The following LATS2 variants were observed in gnomAD, a reference collection of about 807,000 sequenced individuals.
LATS2 encodes the protein large tumor suppressor kinase 2.
Under a neutral mutation model 76.0 loss-of-function variants are expected in LATS2, and 24 were observed. That is an observed-to-expected ratio of 0.32 (90% CI 0.23 to 0.44). LATS2 has a LOEUF of 0.44. Ranked by LOEUF, LATS2 falls within the 20% of genes least tolerant of loss-of-function variation. The probability of loss-of-function intolerance (pLI) is 1.00; values close to 1 mark genes in which losing one functional copy is unlikely to be tolerated. For missense variants in LATS2, 1,286 were observed against 1,481.2 expected (o/e 0.87, Z 2.16); for synonymous variants, 692 against 635.4 (o/e 1.09, Z -1.34).
chr13:21,053,764 T>A (rs1873358017), intron 1 of LATS2, among the ~76,000 whole-genome samples: 1 of 152,202 alleles, frequency 6.6e-6, no homozygotes, highest in African/African-American at 2.4e-5. Flanking sequence ...TCCTGTCATA[T>A]GCAACAATAA....
chr13:21,013,387 T>C (rs1262983163), intron 2 of LATS2, among the ~76,000 whole-genome samples: 1 of 152,220 alleles, frequency 6.6e-6, no homozygotes, highest in Non-Finnish European at 1.5e-5. Context: ...GGAATATTAA[T>C]GATTATACCT....
At chr13:21,011,845 C>A (rs573049) in intron 2 of LATS2, among the ~76,000 whole-genome samples, 146,208 of 152,328 alleles carry the variant, frequency 0.96, 70,416 homozygotes, top group East Asian at 1. Flanking sequence ...GCTACAGCCC[C>A]CTACACACCT....
rs753026198 is a variant in LATS2, at chr13:20,975,265, G to A, written c.2872C>T (p.Arg958Cys). Residue 958 changes from arginine to cysteine, a missense_variant, in exon 8 of 8, where the codon CGC (arginine) becomes TGC (cysteine). By Grantham distance (180) the Arg-to-Cys change is radical (BLOSUM62 -3). Around this residue, in one of 5 missense-constraint regions of LATS2, gnomAD observed 210 missense variants for 234.9 expected, o/e 0.89. Coordinates refer to ENST00000382592, the MANE Select transcript of LATS2 (RefSeq NM_014572.3). ...TCATCGGCCCCATTCCGCCCCAGGC[G>A]GTGGTCTGCGGAGCAGCACAGCTTG... ...ITKLCCSADH[R>C]LGRNGADDLK... The A allele has an allele frequency of 5.6e-6, 9 of 1,614,046 alleles. No homozygotes were observed. The highest frequency in any genetic ancestry group is 2.7e-5 in the African/African-American group (2 of 74,948).
At chr13:20,983,056 C>A (rs1869970288) in intron 5 of LATS2, among the ~76,000 whole-genome samples, 168 bp downstream of exon 5, 1 of 148,428 alleles carries the variant, frequency 6.7e-6, no homozygotes, top group African/African-American at 2.5e-5. Flanking sequence ...GCATATCACA[C>A]TATTCCTTTT....
intron 2 of LATS2, among the ~76,000 whole-genome samples, chr13:21,036,512 C>T (rs117326595): frequency 0.081 from 12,314 of 152,084 alleles, 529 homozygotes; most frequent in Non-Finnish European, 0.095. Context: ...CGGTGGCTCA[C>T]GCCTGTAATC....
Position 20,981,331 on chromosome 13 carries a change from T to G in LATS2, c.2665+135A>C, listed in dbSNP as rs1869866077. ...GAGGCTTGTATGTTGCAGAAATTAG[T>G]AGCTTTCAGGCTTCTATGAGGACAA... On this transcript the variant is annotated intron_variant, in intron 6 of 7. Transcript: ENST00000382592. The G allele has an allele frequency of 4.0e-6, 3 of 758,900 alleles. No individual in the cohort carries two copies. In the Admixed American group the frequency reaches 8.8e-5, roughly 22 times the overall value. 47.0% of individuals were successfully genotyped at this position (758,900 alleles called of 1,614,324 possible). A position where few individuals can be genotyped will look rare whatever the true frequency, so the allele number is the denominator to read the frequency against.
In LATS2 at chr13:20,989,317, A is replaced by G; in HGVS notation, c.476-13T>C. On this transcript the variant is annotated splice_polypyrimidine_tract_variant and intron_variant, in intron 3 of 7. Coordinates refer to ENST00000382592, the MANE Select transcript of LATS2 (RefSeq NM_014572.3). ...ATGAGCCCCTTTCCTGCAGTGGAAAAAACAGGAAGACAGCATCAGAGTGGG... is the reference window on the plus strand; with the variant it reads ...ATGAGCCCCTTTCCTGCAGTGGAAAGAACAGGAAGACAGCATCAGAGTGGG... 6.2e-7 allele frequency: 1 copy of G among 1,613,376 alleles called. No homozygotes were observed.
At chr13:21,053,076 T>C (rs907203238) in intron 1 of LATS2, among the ~76,000 whole-genome samples, 3 of 151,222 alleles carry the variant, frequency 2.0e-5, no homozygotes, top group Non-Finnish European at 2.9e-5. Context: ...GTCCACCAAA[T>C]ATACAAAAAT....
intron 2 of LATS2, among the ~76,000 whole-genome samples, chr13:20,998,817 G>T (rs1870891628): frequency 6.6e-6 from 1 of 152,208 alleles, no homozygotes; most frequent in Non-Finnish European, 1.5e-5. Context: ...CACGGGGCGG[G>T]GGCCGCAGCG....
chr13:20,975,144 T>C lies in LATS2; in HGVS notation c.2993A>G (p.Asp998Gly). ...PYVPTISHPM[D>G]TSNFDPVDEE... Reference sequence around the variant, plus strand: ...ATCTACGGGGTCGAAATTCGAGGTGTCCATGGGGTGGCTGATGGTGGGAAC... The same window carrying C: ...ATCTACGGGGTCGAAATTCGAGGTGCCCATGGGGTGGCTGATGGTGGGAAC... Residue 998 changes from aspartate to glycine, a missense_variant, in exon 8 of 8, where the codon GAC becomes GGC. This residue lies in a region of LATS2 where 210 missense variants were observed against 234.9 expected (regional missense o/e 0.89). Coordinates refer to ENST00000382592, the MANE Select transcript of LATS2 (RefSeq NM_014572.3). The C allele has an allele frequency of 6.2e-7, 1 of 1,614,168 alleles. No individual in the cohort carries two copies. Among genetic ancestry groups the C allele is most frequent in the East Asian group, 2.2e-5 (1 of 44,878 alleles).
At chr13:21,017,053 T>C (rs560325756) in intron 2 of LATS2, among the ~76,000 whole-genome samples, 23 of 152,158 alleles carry the variant, frequency 1.5e-4, no homozygotes, top group Non-Finnish European at 2.9e-4. Context: ...AACAAATTCA[T>C]CTTCATTAGT....
intron 2 of LATS2, among the ~76,000 whole-genome samples, chr13:21,012,554 T>C (rs1296111612): frequency 5.3e-5 from 8 of 152,246 alleles, no homozygotes; most frequent in Non-Finnish European, 7.3e-5. Flanking sequence ...ACCAGGTGTT[T>C]CATTCACTAG....
At chr13:21,031,644 A>G (rs1872532678) in intron 2 of LATS2, among the ~76,000 whole-genome samples, 1 of 152,060 alleles carries the variant, frequency 6.6e-6, no homozygotes, top group Non-Finnish European at 1.5e-5. Context: ...GGATCACTTG[A>G]GCCTAGGAGT....
At chr13:21,055,261 T>C (rs1873414986) in intron 1 of LATS2, among the ~76,000 whole-genome samples, 1 of 152,164 alleles carries the variant, frequency 6.6e-6, no homozygotes, top group Non-Finnish European at 1.5e-5. Flanking sequence ...GGGAAATTTT[T>C]CTTTCATCAA....
At chr13:21,026,334 C>T (rs2138371436) in intron 2 of LATS2, among the ~76,000 whole-genome samples, 1 of 151,564 alleles carries the variant, frequency 6.6e-6, no homozygotes, top group Non-Finnish European at 1.5e-5. Flanking sequence ...GTTAACCATT[C>T]TCTAAACTAC....
intron 4 of LATS2, among the ~76,000 whole-genome samples, chr13:20,987,377 A>G (rs1232712490): frequency 6.6e-6 from 1 of 152,222 alleles, no homozygotes; most frequent in Non-Finnish European, 1.5e-5. Context: ...ATCAATAATT[A>G]CCTTCTTCAG....
chr13:20,988,750 G>T lies in LATS2; in HGVS notation c.1030C>A (p.Pro344Thr), dbSNP rs765113610. The T allele has an allele frequency of 6.3e-7, 1 of 1,578,048 alleles. No individual in the cohort carries two copies. The highest frequency in any genetic ancestry group is 8.6e-7 in the Non-Finnish European group (1 of 1,169,076). Reference protein sequence around the residue: ...RSQVFASDSPPQSLLTPSRNS... With the variant: ...RSQVFASDSPTQSLLTPSRNS... ...CGCGAGGGAGTGAGCAGGCTCTGCG[G>T]GGGGCTGTCGCTGGCGAACACCTGG... The change falls in exon 4 of 8, where the codon CCG (proline) becomes ACG (threonine). Residue 344 changes from proline (P) to threonine (T), a missense_variant. This residue lies in a region of LATS2 where 710 missense variants were observed against 660.9 expected (regional missense o/e 1.07). Transcript: ENST00000382592.
intron 2 of LATS2, among the ~76,000 whole-genome samples, chr13:20,998,232 T>C (rs1321491064): frequency 1.3e-5 from 2 of 152,072 alleles, no homozygotes; most frequent in African/African-American, 4.8e-5. Flanking sequence ...TGGGTGCCTG[T>C]AGTTCCAGCT....
At chr13:20,986,690 C>G (rs1322123317) in intron 4 of LATS2, among the ~76,000 whole-genome samples, 1 of 152,068 alleles carries the variant, frequency 6.6e-6, no homozygotes, top group South Asian at 2.1e-4. Flanking sequence ...ATAGAAGGAA[C>G]AAACTCTAAC....
Sources: gnomAD v4.1 joint callset for allele counts (sites outside exome capture counted in the v4.1 genomes callset) on GRCh38, gnomAD v4.1.1 for gene constraint, gnomAD v4.1.1 regional missense constraint, MANE v1.5 for transcripts, NCBI Gene and HGNC (gene_info 2026-07-23, HGNC 2026-07-21) for gene names.